GRID1: variants seen among roughly 807,000 people sequenced by gnomAD.
GRID1 encodes the protein glutamate ionotropic receptor delta type subunit 1, also known as glutamate receptor ionotropic, delta-1.
In GRID1, 28 loss-of-function variants were observed where a neutral mutation model predicts 98.0. That is an observed-to-expected ratio of 0.29 (90% CI 0.21 to 0.39). The LOEUF is 0.39. Among genes scored for constraint, GRID1 ranks in the 10% least tolerant of loss-of-function variants. GRID1 has a pLI of 1.00. For synonymous variants in GRID1, 553 were observed against 538.5 expected, an observed-to-expected ratio of 1.03 and a Z score of -0.37; for missense variants, 1,111 against 1,340.5, an observed-to-expected ratio of 0.83 and a Z score of 2.67.
intron 4 of GRID1, among the ~76,000 whole-genome samples, chr10:86,053,112 G>A (rs570415997): frequency 2.0e-5 from 3 of 152,256 alleles, no homozygotes; most frequent in East Asian, 1.9e-4. Context: ...TTTACCCTCC[G>A]CTGCAAAGGT....
rs1487421872 is a variant in GRID1, at chr10:85,876,582, A to T, written c.781-7402T>A. ...GCCTTGGATATCTTTGGAGTCCATT[A>T]TTCAGCCCACTGCATCCAGATATTA... On this transcript the variant is annotated intron_variant, in intron 5 of 15. Transcript: ENST00000327946. Among the ~76,000 whole-genome samples the T allele has an allele frequency of 2.6e-5, 4 of 152,308 alleles. No homozygotes were observed. The East Asian group carries it at 5.8e-4, about 22-fold the overall frequency.
At chr10:86,153,560 CCATGTCTAGGGA>C (rs1564691359) in intron 3 of GRID1, among the ~76,000 whole-genome samples, 2 of 152,198 alleles carry the variant, frequency 1.3e-5, no homozygotes, top group Non-Finnish European at 2.9e-5. Context: ...CTTCCCAATT[CCATGTCTAGGGA>C]CATCATGCTG....
chr10:86,173,910 A>T (rs1045080215), intron 3 of GRID1, among the ~76,000 whole-genome samples: 2 of 150,588 alleles, frequency 1.3e-5, no homozygotes, highest in East Asian at 3.9e-4. Flanking sequence ...TGAACTCATC[A>T]TTTTTTTTTG....
intron 12 of GRID1, among the ~76,000 whole-genome samples, chr10:85,696,369 C>T (rs1450844915): frequency 6.6e-6 from 1 of 150,990 alleles, no homozygotes; most frequent in Non-Finnish European, 1.5e-5. Flanking sequence ...GAGGAGGTGA[C>T]CTTTGAGAAG....
intron 4 of GRID1, among the ~76,000 whole-genome samples, chr10:86,035,730 T>G (rs1270000644): frequency 6.6e-6 from 1 of 152,178 alleles, no homozygotes; most frequent in Non-Finnish European, 1.5e-5. Context: ...GGGAGACAGA[T>G]AATGAGCATT....
chr10:85,643,720 A>T (rs1843151820), intron 13 of GRID1, among the ~76,000 whole-genome samples: 1 of 151,864 alleles, frequency 6.6e-6, no homozygotes, highest in Non-Finnish European at 1.5e-5. Flanking sequence ...GCTGGCAGTC[A>T]GTTTTTTTTT....
intron 5 of GRID1, among the ~76,000 whole-genome samples, chr10:85,906,275 A>G (rs182892160): frequency 1.2e-3 from 188 of 152,272 alleles, no homozygotes; most frequent in African/African-American, 4.3e-3. Flanking sequence ...GGTAAAACTG[A>G]AAGGAGAACA....
chr10:86,146,596 T>C (rs1026946359), intron 3 of GRID1, among the ~76,000 whole-genome samples: 8 of 152,176 alleles, frequency 5.3e-5, no homozygotes, highest in African/African-American at 1.9e-4. Flanking sequence ...TCCCCACACC[T>C]CACACCTCAG....
chr10:86,309,749 G>A (rs914401787), intron 2 of GRID1, among the ~76,000 whole-genome samples: 2 of 152,174 alleles, frequency 1.3e-5, no homozygotes, highest in Non-Finnish European at 2.9e-5. Flanking sequence ...AAGTAGAATG[G>A]GATCAATAGC....
At chr10:86,293,773 A>C (rs1847549661) in intron 2 of GRID1, among the ~76,000 whole-genome samples, 1 of 152,098 alleles carries the variant, frequency 6.6e-6, no homozygotes, top group Non-Finnish European at 1.5e-5. Flanking sequence ...TCATTCATTC[A>C]TTCATTCATT....
intron 4 of GRID1, among the ~76,000 whole-genome samples, chr10:85,934,523 T>C (rs1399528083): frequency 1.3e-5 from 2 of 151,912 alleles, no homozygotes; most frequent in Admixed American, 1.3e-4. Context: ...AGCCAGAGTC[T>C]GGGCTATATT....
At chr10:85,878,936 C>A (rs1430867794) in intron 5 of GRID1, among the ~76,000 whole-genome samples, 3 of 151,800 alleles carry the variant, frequency 2.0e-5, no homozygotes, top group Admixed American at 6.6e-5. Context: ...ATCTACCAAG[C>A]AAATGGAAAA....
chr10:86,247,548 C>A (rs922988696), intron 2 of GRID1, among the ~76,000 whole-genome samples: 1 of 152,146 alleles, frequency 6.6e-6, no homozygotes, highest in Non-Finnish European at 1.5e-5. Context: ...AGCCCCATAA[C>A]GGTGAAAGTT....
intron 8 of GRID1, among the ~76,000 whole-genome samples, chr10:85,833,987 G>A (rs928143274): frequency 6.6e-6 from 1 of 152,152 alleles, no homozygotes; most frequent in Non-Finnish European, 1.5e-5. Flanking sequence ...GGGTGTATGG[G>A]ACAATAACAA....
intron 4 of GRID1, among the ~76,000 whole-genome samples, chr10:85,934,759 T>A (rs1841904276): frequency 6.6e-6 from 1 of 152,170 alleles, no homozygotes. Context: ...CCAGTCACGC[T>A]GGCTGGGGCC....
intron 12 of GRID1, among the ~76,000 whole-genome samples, chr10:85,652,421 G>A (rs1276448427): frequency 6.6e-6 from 1 of 152,182 alleles, no homozygotes; most frequent in Non-Finnish European, 1.5e-5. Flanking sequence ...CAACAACGGT[G>A]GGGATGTCAT....
intron 4 of GRID1, among the ~76,000 whole-genome samples, chr10:86,087,985 G>A (rs1844089443): frequency 6.6e-6 from 1 of 152,234 alleles, no homozygotes; most frequent in Non-Finnish European, 1.5e-5. Flanking sequence ...ACTGTCTGCA[G>A]AGCTCCCAAC....
chr10:86,021,640 T>A (rs1220589652), intron 4 of GRID1, among the ~76,000 whole-genome samples: 3 of 152,134 alleles, frequency 2.0e-5, no homozygotes, highest in Non-Finnish European at 4.4e-5. Flanking sequence ...TACCATCCCA[T>A]GCCTCAGTAC....
intron 4 of GRID1, among the ~76,000 whole-genome samples, chr10:85,989,161 G>A (rs1483168025): frequency 6.6e-6 from 1 of 152,178 alleles, no homozygotes; most frequent in Non-Finnish European, 1.5e-5. Flanking sequence ...CAGTGGCTTG[G>A]CCAGTGAGAG....
Sources: gnomAD v4.1 joint callset for allele counts (sites outside exome capture counted in the v4.1 genomes callset) on GRCh38, gnomAD v4.1.1 for gene constraint, MANE v1.5 for transcripts, NCBI Gene and HGNC (gene_info 2026-07-23, HGNC 2026-07-21) for gene names.